The following DOCK5 variants were observed in gnomAD, a reference collection of about 807,000 sequenced individuals.
DOCK5 encodes dedicator of cytokinesis 5.
A neutral mutation model predicts 251.8 loss-of-function variants in DOCK5; 142 were observed. The observed-to-expected ratio is 0.56, with a 90% CI of 0.49 to 0.65. DOCK5 has a LOEUF of 0.65. Ranked by LOEUF, DOCK5 falls within the 30% of genes least tolerant of loss-of-function variation. DOCK5 has a pLI of 0.00. For synonymous variants in DOCK5, 842 were observed against 835.5 expected, an observed-to-expected ratio of 1.01 and a Z score of -0.13; for missense variants, 2,111 against 2,312.3, an observed-to-expected ratio of 0.91 and a Z score of 1.79.
At chr8:25,185,403 T>C (rs1429698890) in intron 1 of DOCK5, among the ~76,000 whole-genome samples, 9 of 152,150 alleles carry the variant, frequency 5.9e-5, no homozygotes. Flanking sequence ...TAGGTTCTTC[T>C]CAGACGCCCC....
At chr8:25,329,134 C>A (rs538469176) in intron 18 of DOCK5, among the ~76,000 whole-genome samples, 1 of 152,118 alleles carries the variant, frequency 6.6e-6, no homozygotes, top group Non-Finnish European at 1.5e-5. Flanking sequence ...TTCTTAAATT[C>A]TCTCCTTTAG....
At chr8:25,253,477 A>C (rs1288785591) in intron 2 of DOCK5, among the ~76,000 whole-genome samples, 3 of 152,182 alleles carry the variant, frequency 2.0e-5, no homozygotes, top group Non-Finnish European at 4.4e-5. Context: ...TGATTGCTGT[A>C]GCATTCACAT....
intron 5 of DOCK5, among the ~76,000 whole-genome samples, chr8:25,282,936 T>A (rs905448536): frequency 1.1e-4 from 17 of 151,570 alleles, no homozygotes; most frequent in Non-Finnish European, 1.8e-4. Flanking sequence ...CCTTGTTCTT[T>A]TCTTTTCAGT....
intron 26 of DOCK5, among the ~76,000 whole-genome samples, chr8:25,347,602 C>G (rs749402325): frequency 6.6e-6 from 1 of 152,158 alleles, no homozygotes; most frequent in East Asian, 1.9e-4. Flanking sequence ...TAAAGCTCCA[C>G]GCCCTATAAA....
intron 41 of DOCK5, among the ~76,000 whole-genome samples, 167 bp from the exon 42 acceptor site, chr8:25,390,039 G>A (rs1801229846): frequency 6.6e-6 from 1 of 151,212 alleles, no homozygotes; most frequent in Non-Finnish European, 1.5e-5. Flanking sequence ...AGGCATTCCA[G>A]TGATACACAA....
chr8:25,228,934 C>CA (rs941388125), intron 1 of DOCK5, among the ~76,000 whole-genome samples: 2 of 151,318 alleles, frequency 1.3e-5, no homozygotes, highest in African/African-American at 4.9e-5. Context: ...ATCTTTTAAA[C>CA]AAAAAAAATT....
chr8:25,254,541 C>T (rs891167383), intron 2 of DOCK5, among the ~76,000 whole-genome samples: 2 of 151,628 alleles, frequency 1.3e-5, no homozygotes, highest in Non-Finnish European at 2.9e-5. Flanking sequence ...TTTGGGAGGC[C>T]GAGGTGGGCA....
chr8:25,256,125 A>T (rs1339972461), intron 2 of DOCK5, among the ~76,000 whole-genome samples: 1 of 152,224 alleles, frequency 6.6e-6, no homozygotes, highest in Admixed American at 6.5e-5. Flanking sequence ...TTACAGAAAG[A>T]TTCTTAGTCT....
Position 25,335,197 on chromosome 8 carries a change from G to T in DOCK5, c.2192+1001G>T, listed in dbSNP as rs143811010. On this transcript the variant is annotated intron_variant, in intron 21 of 51. Transcript: ENST00000276440. ...ATGACAGTGGCTTAAGCCACATCCT[G>T]TAGATTGCTGCCCACTGACTTGTCA... Among the ~76,000 whole-genome samples, 364 of 152,310 alleles carry T rather than the reference G, an allele frequency of 2.4e-3. 6 individuals carry two copies. The highest frequency in any genetic ancestry group is 8.3e-3 in the African/African-American group (347 of 41,564).
chr8:25,387,153 G>T (rs1319850723), intron 40 of DOCK5, among the ~76,000 whole-genome samples: 4 of 150,814 alleles, frequency 2.7e-5, no homozygotes, highest in Non-Finnish European at 5.9e-5. Context: ...TCTGTCAGGG[G>T]TACCACTGTT....
chr8:25,327,671 C>G (rs1805593690), intron 18 of DOCK5, among the ~76,000 whole-genome samples: 1 of 152,142 alleles, frequency 6.6e-6, no homozygotes, highest in Non-Finnish European at 1.5e-5. Flanking sequence ...CTAGCCTGTA[C>G]TGTCCCGATA....
At chr8:25,261,842 A>G (rs955766835) in intron 2 of DOCK5, among the ~76,000 whole-genome samples, 1 of 152,192 alleles carries the variant, frequency 6.6e-6, no homozygotes, top group Non-Finnish European at 1.5e-5. Flanking sequence ...TCAACTTCAT[A>G]TCAGTGGAAT....
chr8:25,320,482 C>G (rs1314816306), intron 15 of DOCK5, among the ~76,000 whole-genome samples: 2 of 152,094 alleles, frequency 1.3e-5, no homozygotes, highest in Non-Finnish European at 2.9e-5. Flanking sequence ...TATAATCATG[C>G]CATGATTTGA....
At chr8:25,372,336 C>G (rs985841720) in intron 34 of DOCK5, among the ~76,000 whole-genome samples, 3 of 152,150 alleles carry the variant, frequency 2.0e-5, no homozygotes, top group African/African-American at 2.4e-5. Flanking sequence ...AACTGGAACT[C>G]GAGTCCACAA....
intron 30 of DOCK5, among the ~76,000 whole-genome samples, chr8:25,365,066 C>G (rs1055052651): frequency 6.6e-6 from 1 of 152,226 alleles, no homozygotes; most frequent in Admixed American, 6.5e-5. Context: ...AGGTAACTCT[C>G]CTACCGACAA....
chr8:25,400,158 T>C (rs1363983570), intron 46 of DOCK5, among the ~76,000 whole-genome samples, 164 bp downstream of exon 46: 2 of 152,076 alleles, frequency 1.3e-5, no homozygotes, highest in Non-Finnish European at 2.9e-5. Flanking sequence ...CGGCCGGCAG[T>C]TAAACTGCCC....
chr8:25,185,754 C>T (rs957346607), intron 1 of DOCK5, among the ~76,000 whole-genome samples: 9 of 152,272 alleles, frequency 5.9e-5, no homozygotes, highest in African/African-American at 2.2e-4. Flanking sequence ...CCGGGTTGTG[C>T]GCAGGGGTTG....
intron 27 of DOCK5, 62 bp from the exon 28 acceptor site, chr8:25,358,901 T>C (rs1352588918): frequency 7.0e-7 from 1 of 1,436,454 alleles, no homozygotes; most frequent in African/African-American, 1.4e-5. Context: ...GGGGCTCACA[T>C]AGTGTTTTTG....
intron 2 of DOCK5, among the ~76,000 whole-genome samples, chr8:25,258,507 C>T (rs991966841): frequency 1.3e-5 from 2 of 152,166 alleles, no homozygotes; most frequent in Non-Finnish European, 2.9e-5. Flanking sequence ...TGGTGTCACA[C>T]AAGCTCTCTT....
Sources: gnomAD v4.1 joint callset for allele counts (sites outside exome capture counted in the v4.1 genomes callset) on GRCh38, gnomAD v4.1.1 for gene constraint, MANE v1.5 for transcripts, NCBI Gene and HGNC (gene_info 2026-07-23, HGNC 2026-07-21) for gene names.